PCDH15: variants seen among roughly 807,000 people sequenced by gnomAD.
PCDH15 encodes protocadherin related 15.
A neutral mutation model predicts 178.5 loss-of-function variants in PCDH15; 129 were observed. The observed-to-expected ratio is 0.72, with a 90% CI of 0.63 to 0.84. PCDH15 has a LOEUF of 0.84. Ranked by LOEUF, PCDH15 falls within the 40% of genes least tolerant of loss-of-function variation. PCDH15 has a pLI of 0.00. For synonymous variants in PCDH15, 800 were observed against 732.0 expected, an observed-to-expected ratio of 1.09 and a Z score of -1.50; for missense variants, 2,230 against 2,099.9, an observed-to-expected ratio of 1.06 and a Z score of -1.21.
intron 2 of PCDH15, among the ~76,000 whole-genome samples, chr10:54,911,809 T>C (rs149039682): frequency 9.2e-5 from 14 of 152,320 alleles, no homozygotes; most frequent in African/African-American, 2.6e-4. Context: ...CTTGTTACGA[T>C]GTGCCTTGTT....
At chr10:53,845,139 C>T (rs1386751373) in intron 28 of PCDH15, among the ~76,000 whole-genome samples, 1 of 151,814 alleles carries the variant, frequency 6.6e-6, no homozygotes, top group Non-Finnish European at 1.5e-5. Context: ...CACTAATCAT[C>T]AAGGCAATGA....
At chr10:54,695,817 TATGA>T (rs2095214479) in intron 1 of PCDH15, among the ~76,000 whole-genome samples, 1 of 151,960 alleles carries the variant, frequency 6.6e-6, no homozygotes, top group Non-Finnish European at 1.5e-5. Context: ...ACAAGATAGA[TATGA>T]ATATTAATTT....
chr10:55,290,452 A>G (rs906444017), intron 1 of PCDH15, among the ~76,000 whole-genome samples: 1 of 152,156 alleles, frequency 6.6e-6, no homozygotes, highest in Non-Finnish European at 1.5e-5. Flanking sequence ...GTTAAAACTT[A>G]ATGAATACAC....
chr10:55,421,185 C>G (rs949780675), intron 2 of PCDH15, among the ~76,000 whole-genome samples: 1 of 151,120 alleles, frequency 6.6e-6, no homozygotes, highest in Non-Finnish European at 1.5e-5. Flanking sequence ...GTTTTAAAGG[C>G]AAGATGATTA....
chr10:54,965,746 G>A (rs902731070), intron 2 of PCDH15, among the ~76,000 whole-genome samples: 1 of 150,174 alleles, frequency 6.7e-6, no homozygotes, highest in Admixed American at 6.7e-5. Flanking sequence ...GGGTAATCCT[G>A]ATTAAAAACA....
intron 2 of PCDH15, among the ~76,000 whole-genome samples, chr10:55,128,465 A>C (rs1009683937): frequency 2.6e-5 from 4 of 152,036 alleles, no homozygotes; most frequent in Non-Finnish European, 5.9e-5. Flanking sequence ...ATGCTCTCTC[A>C]TGTAGCTTAG....
chr10:53,930,747 G>A lies in PCDH15; in HGVS notation c.3373+8068C>T, dbSNP rs572120886. 2.0e-5 allele frequency among the ~76,000 whole-genome samples: 3 copies of A among 152,090 alleles called. No homozygotes were observed. In the South Asian group the frequency reaches 6.2e-4, roughly 32 times the overall value. On this transcript the variant is annotated intron_variant, in intron 25 of 37. Coordinates refer to ENST00000644397, the MANE Select transcript of PCDH15 (RefSeq NM_001384140.1). The stretch of plus-strand genomic sequence containing the variant: ...AGTTCTTGTTTTCTTACACTCTTAC[G>A]TTTCTTCCCTACTACATAAACCCCC...
chr10:55,427,807 TATC>T (rs3074804), intron 2 of PCDH15, among the ~76,000 whole-genome samples: 30,248 of 152,060 alleles, frequency 0.2, 3,970 homozygotes, highest in Non-Finnish European at 0.29. Context: ...AATTATTAAA[TATC>T]ATATTTAAAT....
intron 1 of PCDH15, among the ~76,000 whole-genome samples, chr10:55,202,062 C>A (rs1311685707): frequency 3.3e-5 from 5 of 152,022 alleles, no homozygotes; most frequent in Admixed American, 3.3e-4. Flanking sequence ...GTGAATTATT[C>A]TCTAAAGATA....
At chr10:54,396,132 A>G (rs1951188440) in intron 3 of PCDH15, among the ~76,000 whole-genome samples, 1 of 152,196 alleles carries the variant, frequency 6.6e-6, no homozygotes, top group Non-Finnish European at 1.5e-5. Flanking sequence ...AATGTTATCC[A>G]CTGAAGAGAA....
chr10:54,728,489 A>T (rs1942888448), intron 1 of PCDH15, among the ~76,000 whole-genome samples: 1 of 151,450 alleles, frequency 6.6e-6, no homozygotes, highest in African/African-American at 2.4e-5. Context: ...ATCATACTGA[A>T]TCGGCACATG....
intron 1 of PCDH15, among the ~76,000 whole-genome samples, chr10:55,193,359 C>A (rs1271468811): frequency 6.6e-6 from 1 of 151,890 alleles, no homozygotes; most frequent in Non-Finnish European, 1.5e-5. Context: ...GTATCATAAA[C>A]ACTGTTTGTT....
At chr10:53,877,935 A>C (rs922191998) in intron 26 of PCDH15, among the ~76,000 whole-genome samples, 1 of 152,046 alleles carries the variant, frequency 6.6e-6, no homozygotes, top group African/African-American at 2.4e-5. Context: ...AAAATTACTG[A>C]TAGCTCCCAC....
intron 6 of PCDH15, among the ~76,000 whole-genome samples, chr10:54,344,974 ATATAT>A (rs1943002058): frequency 6.9e-6 from 1 of 143,934 alleles, no homozygotes; most frequent in Admixed American, 7.1e-5. Context: ...ATGTATATAT[ATATAT>A]TATATATATA....
intron 3 of PCDH15, among the ~76,000 whole-genome samples, chr10:54,410,043 G>A (rs1244228885): frequency 2.0e-5 from 3 of 152,046 alleles, no homozygotes; most frequent in East Asian, 1.9e-4. Context: ...TCTCACACCT[G>A]GTTTTGTCTA....
chr10:54,621,418 T>C (rs2093345055), intron 2 of PCDH15, among the ~76,000 whole-genome samples: 2 of 152,012 alleles, frequency 1.3e-5, no homozygotes, highest in South Asian at 4.1e-4. Flanking sequence ...AGATGAAATA[T>C]GCAAACACTA....
chr10:54,133,021 G>A lies in PCDH15; in HGVS notation c.1785-14C>T, dbSNP rs1410356841. 1.2e-6 allele frequency: 2 copies of A among 1,613,796 alleles called. No individual in the cohort carries two copies. Among genetic ancestry groups the A allele is most frequent in the Admixed American group, 1.7e-5 (1 of 60,000 alleles). On this transcript the variant is annotated splice_polypyrimidine_tract_variant and intron_variant, in intron 14 of 37. Transcript: ENST00000644397. ...CAGATGGAGTTCCTGCAGAGAAAGAGAGGAAAAGAAGATGGTTACGAATCT... is the reference window on the plus strand; with the variant it reads ...CAGATGGAGTTCCTGCAGAGAAAGAAAGGAAAAGAAGATGGTTACGAATCT...
chr10:55,441,030 G>A (rs1477262998), intron 2 of PCDH15, among the ~76,000 whole-genome samples: 1 of 152,132 alleles, frequency 6.6e-6, no homozygotes, highest in Admixed American at 6.5e-5. Context: ...GGAATTACAG[G>A]ATCCACAATT....
In PCDH15 at chr10:54,641,153, A is replaced by G. The variant is rs1422485762; in HGVS notation, c.91+23019T>C. The G allele has an allele frequency of 2.0e-5, 4 of 203,286 alleles. No homozygotes were observed. In the South Asian group the frequency reaches 2.3e-4, roughly 12 times the overall value. 12.6% of individuals were successfully genotyped at this position (203,286 alleles called of 1,614,324 possible). On this transcript the variant is annotated intron_variant, in intron 2 of 37. Coordinates refer to ENST00000644397, the MANE Select transcript of PCDH15 (RefSeq NM_001384140.1). ...AAATTTTTTTAAAAGTACAAACATA[A>G]TTTAGAAATAAAGTTTTGTGTGTGT...
Sources: allele counts gnomAD v4.1 joint callset (sites outside exome capture counted in the v4.1 genomes callset), GRCh38; gene constraint gnomAD v4.1.1; transcripts MANE v1.5; gene names NCBI Gene and HGNC (gene_info 2026-07-23, HGNC 2026-07-21).